The following CUBN variants were observed in gnomAD, a reference collection of about 807,000 sequenced individuals.
CUBN encodes cubilin.
In CUBN, 282 loss-of-function variants were observed where a neutral mutation model predicts 405.3. The ratio of observed to expected loss-of-function variants is 0.70; its 90% CI spans 0.63 to 0.77. The LOEUF is 0.77. Ranked by LOEUF, CUBN falls within the 30% of genes least tolerant of loss-of-function variation. CUBN has a pLI of 0.00. For synonymous variants in CUBN, 1,684 were observed against 1,617.0 expected (o/e 1.04, Z -0.99); for missense variants, 4,514 against 4,475.2 (o/e 1.01, Z -0.25).
At chr10:16,974,229 C>T (rs1308528828) in intron 31 of CUBN, among the ~76,000 whole-genome samples, 1 of 152,208 alleles carries the variant, frequency 6.6e-6, no homozygotes, top group African/African-American at 2.4e-5. Flanking sequence ...CCAAAGAACA[C>T]AGCTAGAATA....
chr10:16,927,954 G>C (rs1404171885), intron 41 of CUBN, among the ~76,000 whole-genome samples: 1 of 152,122 alleles, frequency 6.6e-6, no homozygotes, highest in Non-Finnish European at 1.5e-5. Context: ...GCACACTTTT[G>C]TACGACTTGG....
chr10:16,956,389 G>A (rs1002150165), intron 31 of CUBN, among the ~76,000 whole-genome samples: 4 of 151,316 alleles, frequency 2.6e-5, no homozygotes, highest in African/African-American at 9.7e-5. Flanking sequence ...AACAAAGATT[G>A]ATTAAAAACT....
chr10:17,087,760 C>T (rs1836156184), intron 15 of CUBN, among the ~76,000 whole-genome samples: 1 of 152,158 alleles, frequency 6.6e-6, no homozygotes, highest in Non-Finnish European at 1.5e-5. Flanking sequence ...CAGGCTTGAG[C>T]CACCACACCC....
intron 29 of CUBN, among the ~76,000 whole-genome samples, chr10:16,987,571 T>C (rs1233312249): frequency 1.3e-5 from 2 of 152,212 alleles, no homozygotes; most frequent in East Asian, 1.9e-4. Flanking sequence ...AAATGGCTTC[T>C]GAATAAATTT....
At chr10:16,826,842 G>A (rs2131296376) in intron 66 of CUBN, among the ~76,000 whole-genome samples, 1 of 152,112 alleles carries the variant, frequency 6.6e-6, no homozygotes, top group East Asian at 1.9e-4. Context: ...GGATCAAATG[G>A]GGTTGTATGT....
At chr10:17,023,249 CAATT>C (rs1834550662) in intron 27 of CUBN, among the ~76,000 whole-genome samples, 1 of 124,772 alleles carries the variant, frequency 8.0e-6, no homozygotes, top group Non-Finnish European at 1.7e-5. Flanking sequence ...TGATGAATGA[CAATT>C]AGTTTCTTTT....
intron 14 of CUBN, among the ~76,000 whole-genome samples, chr10:17,099,004 T>G (rs1445638329): frequency 6.6e-6 from 1 of 152,190 alleles, no homozygotes; most frequent in East Asian, 1.9e-4. Context: ...AGTTTCAATG[T>G]AATTCCCATA....
intron 41 of CUBN, among the ~76,000 whole-genome samples, chr10:16,926,556 T>C (rs1051862034): frequency 6.6e-6 from 1 of 152,026 alleles, no homozygotes; most frequent in Non-Finnish European, 1.5e-5. Flanking sequence ...GTGCACGGGC[T>C]AGGCTGGTAG....
intron 50 of CUBN, among the ~76,000 whole-genome samples, chr10:16,904,578 C>T (rs1242452290): frequency 6.6e-6 from 1 of 152,184 alleles, no homozygotes; most frequent in South Asian, 2.1e-4. Flanking sequence ...GGCATTCAGG[C>T]CAAGAGCTGT....
intron 30 of CUBN, among the ~76,000 whole-genome samples, chr10:16,983,560 A>G (rs1033684331): frequency 6.6e-6 from 1 of 152,366 alleles, no homozygotes. Flanking sequence ...AGTGCCTAGT[A>G]CACAGTAAGC....
At chr10:16,988,518 A>C (rs1833492286) in intron 29 of CUBN, among the ~76,000 whole-genome samples, 1 of 152,234 alleles carries the variant, frequency 6.6e-6, no homozygotes, top group Non-Finnish European at 1.5e-5. Flanking sequence ...GAAATCAGAG[A>C]TAGAAATGGT....
At chr10:16,983,735 G>A (rs1833343340) in intron 30 of CUBN, among the ~76,000 whole-genome samples, 1 of 152,138 alleles carries the variant, frequency 6.6e-6, no homozygotes, top group African/African-American at 2.4e-5. Flanking sequence ...GTAATTCCTT[G>A]GGATTCACAA....
At chr10:16,920,434 G>A (rs1301297424) in intron 43 of CUBN, among the ~76,000 whole-genome samples, 1 of 152,158 alleles carries the variant, frequency 6.6e-6, no homozygotes, top group African/African-American at 2.4e-5. Context: ...CATCACAGAA[G>A]CATGAATAAA....
At chr10:17,074,381 T>C (rs1473250879) in intron 17 of CUBN, among the ~76,000 whole-genome samples, 2 of 152,144 alleles carry the variant, frequency 1.3e-5, no homozygotes, top group African/African-American at 2.4e-5. Context: ...ATTTAGTAAG[T>C]AGCAAGGGAC....
intron 59 of CUBN, among the ~76,000 whole-genome samples, chr10:16,863,689 T>G (rs571483983): frequency 3.9e-5 from 6 of 152,360 alleles, no homozygotes; most frequent in Non-Finnish European, 8.8e-5. Context: ...AGCAGAAGTC[T>G]GAATTGGACA....
chr10:16,871,855 C>T (rs529379360), intron 58 of CUBN, among the ~76,000 whole-genome samples: 1 of 152,312 alleles, frequency 6.6e-6, no homozygotes, highest in African/African-American at 2.4e-5. Context: ...TTAATGTCTG[C>T]ATCTTCTACC....
In CUBN at chr10:16,925,685, G is replaced by A. The variant is rs773239189; in HGVS notation, c.6361C>T (p.His2121Tyr). ...TYPSNLNCSWHVLVQSGLTIA... is the reference protein window; with the variant it reads ...TYPSNLNCSWYVLVQSGLTIA... Reference sequence around the variant, plus strand: ...GTCAGGCCACTTTGGACCAGGACGTGCCAAGAACAGTTGAGGTTGGATGGG... The same window carrying A: ...GTCAGGCCACTTTGGACCAGGACGTACCAAGAACAGTTGAGGTTGGATGGG... Residue 2121 changes from histidine to tyrosine, a missense_variant, in exon 42 of 67, where the codon CAC (histidine) becomes TAC (tyrosine). By Grantham distance (83) the His-to-Tyr change is moderately conservative (BLOSUM62 2). This residue lies in a region of CUBN where 1,613 missense variants were observed against 1,542.8 expected (regional missense o/e 1.05). Transcript: ENST00000377833. The A allele has an allele frequency of 2.5e-6, 4 of 1,614,068 alleles. No homozygotes were observed. In the South Asian group the frequency reaches 4.4e-5, roughly 18 times the overall value.
chr10:17,091,070 T>C (rs1353055273), intron 14 of CUBN, among the ~76,000 whole-genome samples: 1 of 152,172 alleles, frequency 6.6e-6, no homozygotes, highest in East Asian at 1.9e-4. Context: ...ATCAGGGTTT[T>C]CAGTCCTGAG....
At chr10:17,123,506 A>T in intron 5 of CUBN, 82 bp downstream of exon 5, 2 of 1,059,530 alleles carry the variant, frequency 1.9e-6, no homozygotes, top group African/African-American at 3.1e-5. Context: ...CTTTAGATGG[A>T]GAATTAAATA....
Sources: gnomAD v4.1 joint callset for allele counts (sites outside exome capture counted in the v4.1 genomes callset) on GRCh38, gnomAD v4.1.1 for gene constraint, gnomAD v4.1.1 regional missense constraint, MANE v1.5 for transcripts, NCBI Gene and HGNC (gene_info 2026-07-23, HGNC 2026-07-21) for gene names.